The following TBL1X variants were observed in gnomAD, a reference collection of about 807,000 sequenced individuals.
TBL1X encodes the protein F-box-like/WD repeat-containing protein TBL1X.
TBL1X carries 10 observed loss-of-function variants against 50.7 expected under a neutral mutation model. The observed-to-expected ratio is 0.20, with a 90% CI of 0.12 to 0.33. The LOEUF (loss-of-function observed/expected upper bound fraction) is 0.33. Ranked by LOEUF, TBL1X falls within the 10% of genes least tolerant of loss-of-function variation. The pLI is 1.00. For missense variants in TBL1X, 340 were observed against 504.4 expected (o/e 0.67, Z 3.12); for synonymous variants, 190 against 214.7 (o/e 0.88, Z 1.01).
intron 1 of TBL1X, among the ~76,000 whole-genome samples, chrX:9,474,415 C>T (rs1226074952): frequency 2.6e-5 from 3 of 113,330 alleles, no homozygotes; most frequent in African/African-American, 6.4e-5. Context: ...TGCGTTTGCA[C>T]GCACATGTAT....
intron 1 of TBL1X, among the ~76,000 whole-genome samples, chrX:9,485,315 C>T (rs1258573859): frequency 8.9e-6 from 1 of 112,183 alleles, no homozygotes; most frequent in African/African-American, 3.2e-5. Flanking sequence ...GTTAGTTGTT[C>T]CAGGTATTTC....
At chrX:9,538,638 A>T (rs1362019510) in intron 2 of TBL1X, among the ~76,000 whole-genome samples, 1 of 111,954 alleles carries the variant, frequency 8.9e-6, no homozygotes, top group Non-Finnish European at 1.9e-5. Context: ...CTGCTATCCC[A>T]TCTCTTGCTC....
At position 9,714,927 on chromosome X, in the gene TBL1X, G is replaced by A. The variant is rs140344676; in HGVS notation, c.1631G>A (p.Arg544Gln). The A allele has an allele frequency of 7.0e-5, 85 of 1,210,710 alleles. No homozygotes were observed. Among genetic ancestry groups the A allele is most frequent in the Non-Finnish European group, 8.9e-5 (80 of 895,289 alleles). ...TQSGNLVHSY[R>Q]GTGGIFEVCW... ...AGTGGAAATCTTGTCCACAGCTACC[G>A]AGGCACTGGCGGCATCTTCGAGGTG... The change falls in exon 17 of 18, where the codon CGA becomes CAA. Residue 544 changes from arginine (R) to glutamine (Q), a missense_variant. Coordinates refer to ENST00000645353, the MANE Select transcript of TBL1X (RefSeq NM_005647.4).
At chrX:9,685,028 C>T (rs915887001) in intron 6 of TBL1X, among the ~76,000 whole-genome samples, 2 of 112,391 alleles carry the variant, frequency 1.8e-5, no homozygotes, top group Non-Finnish European at 3.8e-5. Context: ...CCTTCATTAC[C>T]GGGCTCGTTG....
At chrX:9,489,963 T>C (rs1430121529) in intron 1 of TBL1X, among the ~76,000 whole-genome samples, 1 of 111,309 alleles carries the variant, frequency 9.0e-6, no homozygotes, top group East Asian at 2.8e-4. Flanking sequence ...GTGCTTGTTA[T>C]CTTTTTATTA....
At chrX:9,525,226 C>T (rs905114652) in intron 2 of TBL1X, among the ~76,000 whole-genome samples, 6 of 111,615 alleles carry the variant, frequency 5.4e-5, no homozygotes, top group Admixed American at 9.5e-5. Context: ...ATGGGTCCCC[C>T]GTAGGCAGTC....
chrX:9,670,396 A>G (rs1237425121), intron 5 of TBL1X, among the ~76,000 whole-genome samples: 10 of 110,937 alleles, frequency 9.0e-5, no homozygotes, highest in Non-Finnish European at 1.9e-4. Flanking sequence ...TCACCAAACT[A>G]TCTTTAAAAA....
intron 2 of TBL1X, among the ~76,000 whole-genome samples, chrX:9,545,078 C>G (rs2082235699): frequency 1.0e-5 from 1 of 97,901 alleles, no homozygotes; most frequent in Non-Finnish European, 2.0e-5. Context: ...ATGAGATCAG[C>G]TCACTGCAAC....
chrX:9,702,996 G>A (rs749640087), intron 12 of TBL1X, among the ~76,000 whole-genome samples: 4 of 111,743 alleles, frequency 3.6e-5, no homozygotes, highest in South Asian at 3.8e-4. Flanking sequence ...TCTCTGCCCC[G>A]TAAGGCATTA....
At chrX:9,606,281 T>C (rs757596351) in intron 2 of TBL1X, among the ~76,000 whole-genome samples, 1 of 112,188 alleles carries the variant, frequency 8.9e-6, no homozygotes, top group African/African-American at 3.2e-5. Flanking sequence ...CTGTCACGTC[T>C]CTCTTTGTCT....
chrX:9,573,756 C>T (rs2082396840), intron 2 of TBL1X, among the ~76,000 whole-genome samples: 1 of 112,986 alleles, frequency 8.9e-6, no homozygotes, highest in Non-Finnish European at 1.9e-5. Context: ...GAGAGCCCTC[C>T]TCACGGGTGA....
intron 2 of TBL1X, among the ~76,000 whole-genome samples, chrX:9,525,084 G>GGTGT (rs1389353474): frequency 6.3e-5 from 7 of 111,117 alleles, no homozygotes; most frequent in Non-Finnish European, 1.3e-4. Flanking sequence ...CTTGGACCAG[G>GGTGT]GTGTGGTCAA....
rs1362231044 is a variant in TBL1X at position 9,711,644 on chromosome X, C to T, written c.1473C>T (p.Asp491=). The T allele has an allele frequency of 1.7e-6, 2 of 1,206,298 alleles. No individual in the cohort carries two copies. Among genetic ancestry groups the T allele is most frequent in the Non-Finnish European group, 2.2e-6 (2 of 892,223 alleles). Residue 491 remains aspartate, a synonymous_variant, in exon 16 of 18, where the codon GAC becomes GAT. Transcript: ENST00000645353. The part of the protein sequence containing the change: ...ASFDSTVRLW[D]IERGVCTHTL... ...TTGATTCTACGGTGCGACTGTGGGA[C>T]ATAGAACGAGGCGTCTGCACCCACA...
chrX:9,517,263 C>T, intron 2 of TBL1X, among the ~76,000 whole-genome samples: 1 of 110,909 alleles, frequency 9.0e-6, no homozygotes. Context: ...AGTAGCCTGC[C>T]CTGCCTTTGA....
At chrX:9,579,342 C>T (rs1296366263) in intron 2 of TBL1X, among the ~76,000 whole-genome samples, 2 of 112,048 alleles carry the variant, frequency 1.8e-5, no homozygotes, top group Non-Finnish European at 3.8e-5. Flanking sequence ...ATCTTTAGGT[C>T]ACCCAACAGT....
intron 2 of TBL1X, among the ~76,000 whole-genome samples, chrX:9,639,296 C>T (rs964528875): frequency 7.2e-5 from 8 of 111,241 alleles, no homozygotes; most frequent in Admixed American, 1.9e-4. Flanking sequence ...CATAGCTTCA[C>T]TTGTGGACTT....
chrX:9,478,934 A>G (rs1471866198), intron 1 of TBL1X, among the ~76,000 whole-genome samples: 1 of 112,687 alleles, frequency 8.9e-6, no homozygotes, highest in Non-Finnish European at 1.9e-5. Flanking sequence ...TTCAAAAGCT[A>G]GAAATGTCCT....
intron 11 of TBL1X, among the ~76,000 whole-genome samples, chrX:9,693,881 C>T (rs2083114087): frequency 9.0e-6 from 1 of 110,513 alleles, no homozygotes; most frequent in African/African-American, 3.3e-5. Context: ...AGCAACCTGG[C>T]TACAAGGGCA....
At chrX:9,556,644 T>A (rs1371022425) in intron 2 of TBL1X, among the ~76,000 whole-genome samples, 2 of 109,470 alleles carry the variant, frequency 1.8e-5, no homozygotes, top group African/African-American at 6.7e-5. Context: ...AAATCTTGTC[T>A]CTATAAAAAG....
Sources: allele counts gnomAD v4.1 joint callset (sites outside exome capture counted in the v4.1 genomes callset), GRCh38; gene constraint gnomAD v4.1.1; transcripts MANE v1.5; gene names NCBI Gene and HGNC (gene_info 2026-07-23, HGNC 2026-07-21).